The following ABCB11 variants were observed in gnomAD, a reference collection of about 807,000 sequenced individuals.
ABCB11 encodes bile salt export pump.
A neutral mutation model predicts 148.0 loss-of-function variants in ABCB11; 95 were observed. The observed-to-expected ratio is 0.64, with a 90% CI of 0.54 to 0.76. ABCB11 has a LOEUF of 0.76. Ranked by LOEUF, ABCB11 falls within the 30% of genes least tolerant of loss-of-function variation. The pLI, the probability that ABCB11 is intolerant of heterozygous loss-of-function variation, is 0.00. For synonymous variants in ABCB11, 591 were observed against 555.4 expected, an observed-to-expected ratio of 1.06 and a Z score of -0.90; for missense variants, 1,523 against 1,617.8, an observed-to-expected ratio of 0.94 and a Z score of 1.01.
At chr2:168,964,421 T>C in intron 17 of ABCB11, 113 bp from the exon 18 acceptor site, 2 of 863,932 alleles carry the variant, frequency 2.3e-6, no homozygotes, top group Admixed American at 2.3e-5. Context: ...GTTTGGTAGG[T>C]CACATGGTAA....
At chr2:169,004,230 A>G (rs1287716941) in intron 5 of ABCB11, among the ~76,000 whole-genome samples, 2 of 152,214 alleles carry the variant, frequency 1.3e-5, no homozygotes, top group Non-Finnish European at 2.9e-5. Flanking sequence ...CAGCAAGGCC[A>G]GGGAAGTTTT....
intron 19 of ABCB11, among the ~76,000 whole-genome samples, chr2:168,947,384 C>T (rs1009938264): frequency 2.6e-5 from 4 of 151,326 alleles, no homozygotes; most frequent in African/African-American, 9.7e-5. Context: ...ATCCCAAGTG[C>T]TGTGCTTGGA....
chr2:168,993,266 ATAGGCATAT>A (rs1284159173), intron 8 of ABCB11, among the ~76,000 whole-genome samples: 6 of 152,040 alleles, frequency 3.9e-5, no homozygotes, highest in African/African-American at 1.4e-4. Flanking sequence ...ATGGAGAACA[ATAGGCATAT>A]TGGAGAGTGA....
chr2:169,030,152 T>C (rs1029191942), intron 1 of ABCB11, among the ~76,000 whole-genome samples: 1 of 152,168 alleles, frequency 6.6e-6, no homozygotes, highest in African/African-American at 2.4e-5. Context: ...ATGGGCATTT[T>C]CCCCCTAAAT....
chr2:169,019,271 C>G (rs2106061309), intron 1 of ABCB11, among the ~76,000 whole-genome samples: 2 of 151,868 alleles, frequency 1.3e-5, no homozygotes, highest in African/African-American at 4.8e-5. Flanking sequence ...AATTGGAATC[C>G]CAGAAGCAGA....
intron 5 of ABCB11, among the ~76,000 whole-genome samples, chr2:168,998,535 G>A (rs555754388): frequency 6.6e-6 from 1 of 152,072 alleles, no homozygotes; most frequent in African/African-American, 2.4e-5. Flanking sequence ...TTGTATACAT[G>A]CATCAAAACA....
At chr2:168,975,848 G>A (rs74759426) in intron 12 of ABCB11, among the ~76,000 whole-genome samples, 1,499 of 148,220 alleles carry the variant, frequency 0.01, 36 homozygotes, top group African/African-American at 0.035. Flanking sequence ...TCAGAATTAA[G>A]TTAGGCTAAC....
chr2:168,916,882 A>G (rs150783003), downstream of ABCB11, among the ~76,000 whole-genome samples: 103 of 152,318 alleles, frequency 6.8e-4, 3 homozygotes, highest in East Asian at 4.2e-3. Flanking sequence ...AATAAATCAA[A>G]CCCTTAGTTG....
chr2:168,961,467 T>C (rs747653452), intron 18 of ABCB11, among the ~76,000 whole-genome samples: 9 of 151,748 alleles, frequency 5.9e-5, no homozygotes, highest in Non-Finnish European at 1.0e-4. Context: ...TCTTAACCAA[T>C]GCCTAAATCC....
chr2:169,018,861 CT>C (rs1472858043), intron 1 of ABCB11, among the ~76,000 whole-genome samples: 3 of 152,072 alleles, frequency 2.0e-5, no homozygotes, highest in Admixed American at 2.0e-4. Context: ...TACAGTCAGA[CT>C]CAAATAAATA....
Position 168,989,275 on chromosome 2 carries a change from T to TGA in ABCB11, c.908+1525_908+1526insTC, listed in dbSNP as rs1694433408. Among the ~76,000 whole-genome samples, 5 of 152,168 alleles carry TGA rather than the reference T, an allele frequency of 3.3e-5. 1 individual carries two copies. The highest frequency in any genetic ancestry group is 1.2e-4 in the African/African-American group (5 of 41,446). On this transcript the variant is annotated intron_variant, in intron 9 of 27. Coordinates refer to ENST00000650372, the MANE Select transcript of ABCB11 (RefSeq NM_003742.4). ...AGTTTTATATCCTACATTTAAAACTTTAATCCATTTTGAGTTGATATTTGT... is the reference window on the plus strand; with the variant it reads ...AGTTTTATATCCTACATTTAAAACTTGATAATCCATTTTGAGTTGATATTTGT...
intron 1 of ABCB11, among the ~76,000 whole-genome samples, 173 bp downstream of exon 1, chr2:169,031,052 A>G (rs1261130548): frequency 6.6e-6 from 1 of 152,218 alleles, no homozygotes; most frequent in African/African-American, 2.4e-5. Flanking sequence ...TCTGTATTGT[A>G]TACAATGTTG....
intron 19 of ABCB11, among the ~76,000 whole-genome samples, chr2:168,949,183 A>G (rs1003509858): frequency 1.3e-5 from 2 of 151,612 alleles, no homozygotes; most frequent in East Asian, 3.9e-4. Context: ...ACATGATCAC[A>G]TTTTTTTAAA....
intron 16 of ABCB11, 22 bp from the exon 17 acceptor site, chr2:168,968,512 AT>A (rs1347750667): frequency 1.3e-6 from 2 of 1,598,440 alleles, no homozygotes; most frequent in African/African-American, 2.7e-5. Flanking sequence ...AGCATGAGCA[AT>A]TTTTTAGTAT....
intron 1 of ABCB11, among the ~76,000 whole-genome samples, chr2:169,030,061 C>A (rs1695820711): frequency 6.6e-6 from 1 of 152,120 alleles, no homozygotes; most frequent in Non-Finnish European, 1.5e-5. Flanking sequence ...CTTGACCAAG[C>A]AAAACACAAC....
chr2:169,025,576 C>T (rs1040125841), intron 1 of ABCB11, among the ~76,000 whole-genome samples: 1 of 152,220 alleles, frequency 6.6e-6, no homozygotes, highest in African/African-American at 2.4e-5. Flanking sequence ...GAATACTAAT[C>T]CACTAACCTA....
rs1372682108 is a variant in ABCB11 at position 168,922,437 on chromosome 2, T to C, written c.*1185A>G. ...TGTTTCCATACAGGCTTTTGGTCCA[T>C]TCTTCTGTCTTCAGTCCCTCTGTCC... On this transcript the variant is annotated 3_prime_UTR_variant, in exon 28 of 28. Transcript: ENST00000650372. Among the ~76,000 whole-genome samples the C allele has an allele frequency of 6.6e-6, 1 of 152,138 alleles. No homozygotes were observed. Among genetic ancestry groups the C allele is most frequent in the Admixed American group, 6.5e-5 (1 of 15,274 alleles).
chr2:168,923,254 C>T lies in ABCB11; in HGVS notation c.*368G>A, dbSNP rs495714. ...TTCAAAAATGAAAGACAGTTCTCTG[C>T]CCTTGAGGAGTTCAAAGTGTCACTT... On this transcript the variant is annotated 3_prime_UTR_variant, in exon 28 of 28. Transcript: ENST00000650372. 145,231 of 284,080 alleles carry T rather than the reference C, an allele frequency of 0.51. 39,009 individuals are homozygous for T. The highest frequency in any genetic ancestry group is 0.66 in the South Asian group (11,319 of 17,182). 17.6% of individuals were successfully genotyped at this position (284,080 alleles called of 1,614,324 possible).
chr2:168,987,057 T>C (rs1694350027), intron 9 of ABCB11, among the ~76,000 whole-genome samples: 1 of 152,144 alleles, frequency 6.6e-6, no homozygotes, highest in African/African-American at 2.4e-5. Flanking sequence ...AGATAATGTC[T>C]TTCATGGTGG....
Sources: allele counts gnomAD v4.1 joint callset (sites outside exome capture counted in the v4.1 genomes callset), GRCh38; gene constraint gnomAD v4.1.1; transcripts MANE v1.5; gene names NCBI Gene and HGNC (gene_info 2026-07-23, HGNC 2026-07-21).